TAS2R1: variants seen among roughly 807,000 people sequenced by gnomAD.
TAS2R1 encodes taste 2 receptor member 1, also known as taste receptor type 2 member 1.
For missense variants in TAS2R1, 370 were observed against 353.4 expected, an observed-to-expected ratio of 1.05 and a Z score of -0.38; for synonymous variants, 141 against 134.2, an observed-to-expected ratio of 1.05 and a Z score of -0.35.
chr5:9,696,320 G>A (rs954164875), intron 1 of TAS2R1, among the ~76,000 whole-genome samples: 4 of 152,132 alleles, frequency 2.6e-5, no homozygotes, highest in African/African-American at 4.8e-5. Flanking sequence ...AGCACTTTGG[G>A]AGCCTGAGGG....
the TAS2R1 span, among the ~76,000 whole-genome samples, chr5:9,853,228 G>A: frequency 2.0e-5 from 3 of 152,292 alleles, no homozygotes; most frequent in African/African-American, 4.8e-5. Context: ...GTGAGCCAGT[G>A]GTAGAAGAAA....
intron 1 of TAS2R1, among the ~76,000 whole-genome samples, chr5:9,707,345 C>T (rs1031921081): frequency 6.6e-5 from 10 of 152,150 alleles, no homozygotes; most frequent in African/African-American, 1.9e-4. Flanking sequence ...CAAAGGCAGG[C>T]TACGCCCATC....
chr5:9,900,490 C>A, the TAS2R1 span, among the ~76,000 whole-genome samples: 1 of 152,090 alleles, frequency 6.6e-6, no homozygotes, highest in African/African-American at 2.4e-5. Flanking sequence ...GCACTGCATT[C>A]AAGAAAGCTT....
At chr5:9,788,779 C>G in the TAS2R1 span, among the ~76,000 whole-genome samples, 45 of 152,156 alleles carry the variant, frequency 3.0e-4, no homozygotes, top group Non-Finnish European at 1.2e-4. Context: ...GAAAAGAATA[C>G]AGAGTGGAGG....
the TAS2R1 span, among the ~76,000 whole-genome samples, chr5:9,764,969 C>T: frequency 3.9e-4 from 59 of 152,260 alleles, no homozygotes; most frequent in African/African-American, 1.3e-3. Flanking sequence ...AAAATATGCT[C>T]ACAATACAAC....
At chr5:9,815,903 T>C in the TAS2R1 span, among the ~76,000 whole-genome samples, 1 of 152,096 alleles carries the variant, frequency 6.6e-6, no homozygotes, top group Non-Finnish European at 1.5e-5. Flanking sequence ...GTCACCCTCT[T>C]AGGGTCATTA....
At chr5:9,729,801 A>T in the TAS2R1 span, among the ~76,000 whole-genome samples, 1 of 152,210 alleles carries the variant, frequency 6.6e-6, no homozygotes, top group Non-Finnish European at 1.5e-5. Flanking sequence ...GGGCCGGCTC[A>T]GTGACCCATC....
intron 1 of TAS2R1, among the ~76,000 whole-genome samples, chr5:9,676,235 T>C (rs1483647680): frequency 1.3e-5 from 2 of 152,192 alleles, no homozygotes; most frequent in African/African-American, 4.8e-5. Flanking sequence ...TGATGAGCTG[T>C]TGAATTCAGT....
the TAS2R1 span, among the ~76,000 whole-genome samples, chr5:9,750,372 C>G: frequency 3.3e-5 from 5 of 152,184 alleles, no homozygotes; most frequent in Admixed American, 6.5e-5. Context: ...AAACTCCAGC[C>G]TAGTCCCTTT....
intron 2 of TAS2R1, among the ~76,000 whole-genome samples, chr5:9,648,677 T>C (rs1396358638): frequency 6.6e-6 from 1 of 151,756 alleles, no homozygotes; most frequent in Admixed American, 6.6e-5. Context: ...AGGATCTCCA[T>C]CATTTTTTTC....
At chr5:9,798,887 T>C in the TAS2R1 span, among the ~76,000 whole-genome samples, 2 of 152,174 alleles carry the variant, frequency 1.3e-5, no homozygotes, top group East Asian at 3.8e-4. Flanking sequence ...CTCAGAGGTA[T>C]AGACAGAGCA....
chr5:9,631,523 T>C (rs1739873153), upstream of TAS2R1, among the ~76,000 whole-genome samples: 1 of 152,200 alleles, frequency 6.6e-6, no homozygotes, highest in African/African-American at 2.4e-5. Context: ...ATTATAGGCA[T>C]GAGCCACCAC....
At chr5:9,855,209 C>A in the TAS2R1 span, among the ~76,000 whole-genome samples, 16 of 152,110 alleles carry the variant, frequency 1.1e-4, no homozygotes, top group African/African-American at 3.6e-4. Context: ...TGGCAGATGC[C>A]CTTATGGCTC....
At chr5:9,765,429 A>C in the TAS2R1 span, 1 of 152,166 alleles carries the variant, frequency 6.6e-6, no homozygotes, top group South Asian at 2.1e-4. Flanking sequence ...ACTCTAGCAC[A>C]AATTAGGTAT....
At chr5:9,705,369 G>C (rs900666227) in intron 1 of TAS2R1, among the ~76,000 whole-genome samples, 1 of 152,136 alleles carries the variant, frequency 6.6e-6, no homozygotes, top group African/African-American at 2.4e-5. Flanking sequence ...TGCATGTATT[G>C]CTTTCCTAAT....
chr5:9,669,586 T>C (rs1023520972), intron 1 of TAS2R1, among the ~76,000 whole-genome samples: 1 of 152,072 alleles, frequency 6.6e-6, no homozygotes, highest in Non-Finnish European at 1.5e-5. Flanking sequence ...ACAATAAAAA[T>C]AGAAATCAAT....
the TAS2R1 span, among the ~76,000 whole-genome samples, chr5:9,782,344 T>C: frequency 6.6e-6 from 1 of 152,156 alleles, no homozygotes; most frequent in African/African-American, 2.4e-5. Context: ...GTGAGCACTC[T>C]ACTTTTAAAG....
At chr5:9,789,107 C>T in the TAS2R1 span, among the ~76,000 whole-genome samples, 1 of 152,106 alleles carries the variant, frequency 6.6e-6, no homozygotes, top group Non-Finnish European at 1.5e-5. Flanking sequence ...CATGCCTACC[C>T]CCAAGTAACT....
At chr5:9,645,224 T>C (rs1036491383) in intron 2 of TAS2R1, among the ~76,000 whole-genome samples, 2 of 152,182 alleles carry the variant, frequency 1.3e-5, no homozygotes, top group Admixed American at 1.3e-4. Flanking sequence ...CAATTTGTCC[T>C]CTTGACAATT....
Sources: allele counts gnomAD v4.1 joint callset (sites outside exome capture counted in the v4.1 genomes callset), GRCh38; gene constraint gnomAD v4.1.1; transcripts MANE v1.5; gene names NCBI Gene and HGNC (gene_info 2026-07-23, HGNC 2026-07-21).